The following ATXN7L1 variants were observed in gnomAD, a reference collection of about 807,000 sequenced individuals.
ATXN7L1 encodes ataxin-7-like protein 1.
A neutral mutation model predicts 70.8 loss-of-function variants in ATXN7L1; 15 were observed. The ratio of observed to expected loss-of-function variants is 0.21; its 90% CI spans 0.14 to 0.33. The LOEUF (loss-of-function observed/expected upper bound fraction) is 0.33, where lower values mean the gene tolerates loss of function less well. Among genes scored for constraint, ATXN7L1 ranks in the 10% least tolerant of loss-of-function variants. ATXN7L1 has a pLI of 1.00. For synonymous variants in ATXN7L1, 440 were observed against 445.1 expected (o/e 0.99, Z 0.14); for missense variants, 975 against 1,097.1 (o/e 0.89, Z 1.57).
At chr7:105,704,532 T>C (rs1319234235) in intron 3 of ATXN7L1, among the ~76,000 whole-genome samples, 1 of 150,920 alleles carries the variant, frequency 6.6e-6, no homozygotes, top group East Asian at 2.0e-4. Context: ...GAGATTGGTA[T>C]CATCACCCCC....
At chr7:105,706,286 CG>C (rs1185078633) in intron 3 of ATXN7L1, among the ~76,000 whole-genome samples, 1 of 150,410 alleles carries the variant, frequency 6.6e-6, no homozygotes, top group African/African-American at 2.4e-5. Flanking sequence ...CTCTGCCTCC[CG>C]GGTTCAAGTG....
intron 7 of ATXN7L1, among the ~76,000 whole-genome samples, chr7:105,637,278 C>T (rs543917044): frequency 4.6e-5 from 7 of 152,268 alleles, no homozygotes; most frequent in East Asian, 3.9e-4. Context: ...AGATCAGGAG[C>T]CACTGCTATC....
intron 3 of ATXN7L1, among the ~76,000 whole-genome samples, chr7:105,782,626 G>A (rs1222895159): frequency 1.3e-5 from 2 of 152,220 alleles, no homozygotes; most frequent in Non-Finnish European, 2.9e-5. Flanking sequence ...GGGGCTCCAT[G>A]TCACCCCTGT....
Position 105,614,165 on chromosome 7 carries a change from G to A in ATXN7L1, c.2169C>T (p.Pro723=), listed in dbSNP as rs80023488. The A allele has an allele frequency of 2.7e-4, 417 of 1,551,634 alleles. 4 individuals are homozygous for A. In the East Asian group the frequency reaches 6.8e-3, roughly 25 times the overall value. ...KLEPSGRTSL[P]GGPADIVRQV... ...GTCTCACTATGTCCGCGGGGCCGCC[G>A]GGCAGCGAGGTCCGTCCTGAGGGCT... Residue 723 remains proline, a synonymous_variant, in exon 10 of 12, where the codon CCC becomes CCT. Transcript: ENST00000419735. This position sits in a 1 kb window ranked among gnomAD's most constrained non-coding sequence, Gnocchi z 4.3.
intron 3 of ATXN7L1, among the ~76,000 whole-genome samples, chr7:105,755,887 C>T (rs10262705): frequency 0.28 from 42,118 of 152,050 alleles, 6,958 homozygotes; most frequent in Non-Finnish European, 0.38. Context: ...TCCAGGTAAC[C>T]GTCATGCAGG....
chr7:105,630,124 T>TTA (rs1024377268), intron 7 of ATXN7L1, among the ~76,000 whole-genome samples: 22 of 151,884 alleles, frequency 1.4e-4, no homozygotes, highest in Admixed American at 1.3e-4. Context: ...GGCTGAAATA[T>TTA]TATATATATA....
chr7:105,662,389 A>C (rs976430314), intron 4 of ATXN7L1, among the ~76,000 whole-genome samples: 1 of 152,154 alleles, frequency 6.6e-6, no homozygotes, highest in Non-Finnish European at 1.5e-5. Context: ...GATGTGAGCC[A>C]CTGCGCCCAG....
chr7:105,691,713 A>G (rs1460691509), intron 3 of ATXN7L1: 1 of 151,960 alleles, frequency 6.6e-6, no homozygotes, highest in East Asian at 1.9e-4. Flanking sequence ...AAAAGGAGGG[A>G]AAAAAATCGC....
chr7:105,758,811 T>G (rs1800135027), intron 3 of ATXN7L1, among the ~76,000 whole-genome samples: 1 of 152,208 alleles, frequency 6.6e-6, no homozygotes, highest in African/African-American at 2.4e-5. Flanking sequence ...GCAAACGAAG[T>G]GTATCAGTTC....
intron 4 of ATXN7L1, among the ~76,000 whole-genome samples, chr7:105,655,612 T>C (rs1297570749): frequency 3.3e-5 from 5 of 152,158 alleles, no homozygotes; most frequent in Non-Finnish European, 7.4e-5. Flanking sequence ...TCTCTGTGTC[T>C]TCAGGGAGCC....
At chr7:105,622,895 C>T (rs1706925) in intron 8 of ATXN7L1, among the ~76,000 whole-genome samples, 20,172 of 152,120 alleles carry the variant, frequency 0.13, 1,481 homozygotes, top group South Asian at 0.3. Flanking sequence ...AGGGACCATG[C>T]GTGAAAAGTA....
At chr7:105,610,222 T>C (rs1413287171) in intron 11 of ATXN7L1, among the ~76,000 whole-genome samples, 1 of 152,340 alleles carries the variant, frequency 6.6e-6, no homozygotes, top group East Asian at 1.9e-4. Flanking sequence ...CTAACACTTG[T>C]GGGTTTACTG....
intron 2 of ATXN7L1, among the ~76,000 whole-genome samples, chr7:105,851,823 T>C (rs2116632415): frequency 6.6e-6 from 1 of 152,278 alleles, no homozygotes; most frequent in East Asian, 1.9e-4. Context: ...CCCTCACACC[T>C]CTGCAATTCT....
intron 3 of ATXN7L1, among the ~76,000 whole-genome samples, chr7:105,667,188 G>GAA (rs1170131030): frequency 2.1e-4 from 32 of 152,146 alleles, no homozygotes; most frequent in African/African-American, 7.7e-4. Flanking sequence ...AAGCAGCCAG[G>GAA]GGTCTCCACC....
At chr7:105,788,765 G>A in intron 2 of ATXN7L1, 57 bp from the exon 3 acceptor site, 1 of 1,366,508 alleles carries the variant, frequency 7.3e-7, no homozygotes, top group Admixed American at 1.8e-5. Flanking sequence ...CTCAGAAGGT[G>A]TACAGTTTCC....
intron 3 of ATXN7L1, among the ~76,000 whole-genome samples, chr7:105,717,101 C>T (rs576713651): frequency 6.6e-6 from 1 of 152,164 alleles, no homozygotes; most frequent in African/African-American, 2.4e-5. Context: ...CCCCACTTTT[C>T]ACATTATAAA....
intron 2 of ATXN7L1, among the ~76,000 whole-genome samples, chr7:105,826,771 A>C (rs1043687806): frequency 1.3e-5 from 2 of 152,182 alleles, no homozygotes; most frequent in African/African-American, 4.8e-5. Flanking sequence ...CAGTGGAGAA[A>C]TAGGACCTTC....
intron 3 of ATXN7L1, among the ~76,000 whole-genome samples, chr7:105,731,783 G>GAAAAGAAAAGAAAAGAAAAGAAAAGA (rs992148359): frequency 1.4e-5 from 2 of 143,590 alleles, no homozygotes; most frequent in African/African-American, 5.0e-5. Context: ...GAAAAGAAAA[G>GAAAAGAAAAGAAAAGAAAAGAAAAGA]AAAAGAAAAG....
intron 7 of ATXN7L1, among the ~76,000 whole-genome samples, chr7:105,628,742 G>A (rs1414062349): frequency 2.0e-5 from 3 of 151,740 alleles, no homozygotes; most frequent in Non-Finnish European, 4.4e-5. Context: ...GCAGTGAGCC[G>A]AGATCGCGCC....
Sources: allele counts gnomAD v4.1 joint callset (sites outside exome capture counted in the v4.1 genomes callset), GRCh38; gene constraint gnomAD v4.1.1; non-coding constraint Gnocchi (gnomAD v3.1); transcripts MANE v1.5; gene names NCBI Gene and HGNC (gene_info 2026-07-23, HGNC 2026-07-21).